The following KCNK1 variants were observed in gnomAD, a reference collection of about 807,000 sequenced individuals.
The protein encoded by KCNK1 is potassium channel subfamily K member 1.
Under a neutral mutation model 22.2 loss-of-function variants are expected in KCNK1, and 10 were observed. That is an observed-to-expected ratio of 0.45 (90% confidence interval 0.28 to 0.76). The LOEUF (loss-of-function observed/expected upper bound fraction) is 0.76, where lower values mean the gene tolerates loss of function less well. Ranked by LOEUF, KCNK1 falls within the 30% of genes least tolerant of loss-of-function variation. The pLI, the probability that KCNK1 is intolerant of heterozygous loss-of-function variation, is 0.14. For missense variants in KCNK1, 378 were observed against 421.0 expected, an observed-to-expected ratio of 0.90 and a Z score of 0.89; for synonymous variants, 200 against 186.4, an observed-to-expected ratio of 1.07 and a Z score of -0.60.
chr1:233,669,795 C>CA (rs1658564305), intron 2 of KCNK1, among the ~76,000 whole-genome samples: 3 of 151,956 alleles, frequency 2.0e-5, no homozygotes, highest in Admixed American at 6.5e-5. Context: ...GGCTCTGTCT[C>CA]AAAAAATAGT....
intron 1 of KCNK1, among the ~76,000 whole-genome samples, chr1:233,635,034 G>A (rs1180466516): frequency 6.6e-6 from 1 of 152,178 alleles, no homozygotes; most frequent in Admixed American, 6.5e-5. Flanking sequence ...TAATTCTCTA[G>A]TCCAACCTAT....
intron 1 of KCNK1, among the ~76,000 whole-genome samples, chr1:233,657,061 A>T (rs1476994122): frequency 4.6e-5 from 7 of 152,190 alleles, no homozygotes; most frequent in Non-Finnish European, 1.0e-4. Context: ...TAGTAAGAAA[A>T]TATTAAAGGG....
chr1:233,614,408 G>C lies in KCNK1; in HGVS notation c.237G>C (p.Leu79=), dbSNP rs1444251444. 6.2e-7 allele frequency: 1 copy of C among 1,612,080 alleles called. No homozygotes were observed. The highest frequency in any genetic ancestry group is 8.5e-7 in the Non-Finnish European group (1 of 1,179,356). Residue 79 remains leucine, a synonymous_variant, in exon 1 of 3, where the codon CTG becomes CTC. Transcript: ENST00000366621. The part of the protein sequence containing the change: ...CLSEQQLEQF[L]GRVLEASNYG... ...CTGAGCAGCAGCTGGAGCAGTTCCT[G>C]GGCCGGGTGCTGGAGGCCAGCAACT...
At chr1:233,647,211 A>G (rs764981233) in intron 1 of KCNK1, among the ~76,000 whole-genome samples, 4 of 152,174 alleles carry the variant, frequency 2.6e-5, no homozygotes, top group African/African-American at 4.8e-5. Flanking sequence ...TTTGTTCCAG[A>G]TGAAATCCTC....
intron 1 of KCNK1, among the ~76,000 whole-genome samples, chr1:233,631,703 G>A (rs2102888800): frequency 6.6e-6 from 1 of 152,348 alleles, no homozygotes; most frequent in South Asian, 2.1e-4. Context: ...TCTGTGCAGT[G>A]AGGCTGAGCT....
At chr1:233,627,266 T>C (rs1657705252) in intron 1 of KCNK1, among the ~76,000 whole-genome samples, 1 of 152,228 alleles carries the variant, frequency 6.6e-6, no homozygotes, top group African/African-American at 2.4e-5. Flanking sequence ...GTATTTTTTA[T>C]GAAGCCACAG....
intron 1 of KCNK1, among the ~76,000 whole-genome samples, chr1:233,627,911 T>C (rs1280397210): frequency 6.6e-6 from 1 of 152,230 alleles, no homozygotes; most frequent in Non-Finnish European, 1.5e-5. Context: ...CCAGAGTTAT[T>C]TGTAATCTGA....
At chr1:233,629,359 G>C (rs1657748978) in intron 1 of KCNK1, among the ~76,000 whole-genome samples, 1 of 152,136 alleles carries the variant, frequency 6.6e-6, no homozygotes, top group Non-Finnish European at 1.5e-5. Context: ...GGTAAGGTTA[G>C]GTAGAGTGGG....
At chr1:233,647,479 A>G (rs1355144426) in intron 1 of KCNK1, among the ~76,000 whole-genome samples, 1 of 152,178 alleles carries the variant, frequency 6.6e-6, no homozygotes, top group East Asian at 1.9e-4. Flanking sequence ...AGAGGAGGGC[A>G]CAGGAGCCAT....
chr1:233,627,756 G>T (rs1423520624), intron 1 of KCNK1, among the ~76,000 whole-genome samples: 1 of 152,162 alleles, frequency 6.6e-6, no homozygotes, highest in African/African-American at 2.4e-5. Flanking sequence ...GCTGATGTTT[G>T]AAAATCCAAC....
At chr1:233,629,496 C>T (rs1657753690) in intron 1 of KCNK1, 1 of 152,204 alleles carries the variant, frequency 6.6e-6, no homozygotes, top group African/African-American at 2.4e-5. Flanking sequence ...CCTGCTGGCA[C>T]ACAGCAGCAG....
intron 2 of KCNK1, among the ~76,000 whole-genome samples, chr1:233,667,948 C>T (rs970110297): frequency 1.6e-4 from 25 of 152,140 alleles, no homozygotes; most frequent in Admixed American, 3.9e-4. Context: ...AGAAGAAGTT[C>T]GCCTCTATTA....
intron 1 of KCNK1, among the ~76,000 whole-genome samples, chr1:233,635,528 T>C (rs1257967275): frequency 6.6e-6 from 1 of 152,236 alleles, no homozygotes; most frequent in East Asian, 1.9e-4. Flanking sequence ...ATTTTTTATT[T>C]CAAATTATAA....
At chr1:233,627,869 A>G (rs1448557609) in intron 1 of KCNK1, among the ~76,000 whole-genome samples, 3 of 152,242 alleles carry the variant, frequency 2.0e-5, no homozygotes, top group Non-Finnish European at 4.4e-5. Context: ...ACCTAAAGCA[A>G]TATTTGCTCT....
intron 1 of KCNK1, among the ~76,000 whole-genome samples, chr1:233,641,687 A>T (rs1658002309): frequency 6.6e-6 from 1 of 152,170 alleles, no homozygotes; most frequent in African/African-American, 2.4e-5. Flanking sequence ...TAAGTTCATA[A>T]GTTGATGAGA....
chr1:233,662,274 C>T (rs12034631), intron 1 of KCNK1, among the ~76,000 whole-genome samples: 339 of 94,398 alleles, frequency 3.6e-3, no homozygotes, highest in South Asian at 0.014. Flanking sequence ...TTCTTCTTCT[C>T]CTCCTCCTCC....
At chr1:233,670,208 T>A (rs1658573629) in intron 2 of KCNK1, among the ~76,000 whole-genome samples, 1 of 152,206 alleles carries the variant, frequency 6.6e-6, no homozygotes, top group Admixed American at 6.5e-5. Flanking sequence ...ACATTTTACT[T>A]GAGTCAACAG....
intron 1 of KCNK1, among the ~76,000 whole-genome samples, chr1:233,659,905 GA>G (rs1284091522): frequency 6.6e-6 from 1 of 152,228 alleles, no homozygotes; most frequent in Non-Finnish European, 1.5e-5. Flanking sequence ...ACCTTCTTAG[GA>G]AAAGGAAGCT....
intron 1 of KCNK1, among the ~76,000 whole-genome samples, chr1:233,627,532 G>A (rs1657711673): frequency 7.2e-6 from 1 of 138,030 alleles, no homozygotes. Flanking sequence ...CTACCTACCT[G>A]CCACCCAGTG....
Sources: allele counts gnomAD v4.1 joint callset (sites outside exome capture counted in the v4.1 genomes callset), GRCh38; gene constraint gnomAD v4.1.1; transcripts MANE v1.5; gene names NCBI Gene and HGNC (gene_info 2026-07-23, HGNC 2026-07-21).